The following GRID2 variants were observed in gnomAD, a reference collection of about 807,000 sequenced individuals.
The protein encoded by GRID2 is glutamate ionotropic receptor delta type subunit 2.
A neutral mutation model predicts 114.8 loss-of-function variants in GRID2; 33 were observed. The observed-to-expected ratio is 0.29, with a 90% confidence interval of 0.22 to 0.38. GRID2 has a LOEUF of 0.38. GRID2 is among the 10% of genes least tolerant of loss of function. The pLI is 1.00. For synonymous variants in GRID2, 505 were observed against 449.9 expected, an observed-to-expected ratio of 1.12 and a Z score of -1.55; for missense variants, 1,184 against 1,257.7, an observed-to-expected ratio of 0.94 and a Z score of 0.89.
chr4:92,614,848 G>C (rs1172947709), intron 2 of GRID2, among the ~76,000 whole-genome samples: 1 of 151,138 alleles, frequency 6.6e-6, no homozygotes, highest in African/African-American at 2.4e-5. Flanking sequence ...CTGTCATCTA[G>C]ATTTGCCTCG....
At chr4:92,991,817 A>T (rs1754922884) in intron 2 of GRID2, among the ~76,000 whole-genome samples, 1 of 152,244 alleles carries the variant, frequency 6.6e-6, no homozygotes, top group Admixed American at 6.5e-5. Flanking sequence ...AAAGTTAGGA[A>T]TTAAATCCAA....
intron 1 of GRID2, among the ~76,000 whole-genome samples, chr4:92,341,790 C>T (rs1727503884): frequency 6.6e-6 from 1 of 151,850 alleles, no homozygotes; most frequent in Non-Finnish European, 1.5e-5. Context: ...TGGCGGGCGC[C>T]TGTAGTCCCA....
At chr4:93,684,764 G>A (rs998907650) in intron 14 of GRID2, among the ~76,000 whole-genome samples, 2 of 152,020 alleles carry the variant, frequency 1.3e-5, no homozygotes, top group African/African-American at 4.8e-5. Context: ...TGTATAGGGG[G>A]AGGGTTCTTG....
chr4:93,106,175 C>T (rs1469455793), intron 3 of GRID2, among the ~76,000 whole-genome samples: 3 of 152,114 alleles, frequency 2.0e-5, no homozygotes, highest in African/African-American at 7.2e-5. Context: ...CCTAGTCACA[C>T]CCACTCACCT....
chr4:93,678,675 C>T (rs1725179463), intron 14 of GRID2, among the ~76,000 whole-genome samples: 1 of 151,874 alleles, frequency 6.6e-6, no homozygotes. Context: ...TCCAGCCAAA[C>T]TAAGCTTCAT....
chr4:92,769,317 T>C (rs1209028505), intron 2 of GRID2, among the ~76,000 whole-genome samples: 1 of 152,208 alleles, frequency 6.6e-6, no homozygotes, highest in Non-Finnish European at 1.5e-5. Flanking sequence ...TTTGCCCCTG[T>C]AGCTTTGCAG....
chr4:93,757,341 C>T lies in GRID2; in HGVS notation c.2361-11869C>T, dbSNP rs1378560533. Among the ~76,000 whole-genome samples the T allele has an allele frequency of 5.3e-5, 8 of 152,322 alleles. No individual in the cohort carries two copies. In the East Asian group the frequency reaches 9.7e-4, roughly 18 times the overall value. On this transcript the variant is annotated intron_variant, in intron 14 of 15. Coordinates refer to ENST00000282020, the MANE Select transcript of GRID2 (RefSeq NM_001510.4). ...ATTCATGCTCAGTCTCAGGGAACTC[C>T]GTTCGTCTTTTCAGAATGCCTGTAC... is the stretch of plus-strand genomic sequence containing the variant.
At chr4:92,902,948 G>C (rs1200168680) in intron 2 of GRID2, among the ~76,000 whole-genome samples, 1 of 151,786 alleles carries the variant, frequency 6.6e-6, no homozygotes, top group Non-Finnish European at 1.5e-5. Context: ...TGCTATTTTG[G>C]TTACTATACC....
At chr4:92,595,927 A>G (rs192171723) in intron 2 of GRID2, among the ~76,000 whole-genome samples, 21 of 152,182 alleles carry the variant, frequency 1.4e-4, no homozygotes, top group Non-Finnish European at 2.9e-4. Flanking sequence ...ATTATTTGAC[A>G]CTTCTTTCCA....
chr4:92,972,749 C>T (rs1213366678), intron 2 of GRID2, among the ~76,000 whole-genome samples: 6 of 152,108 alleles, frequency 3.9e-5, no homozygotes, highest in African/African-American at 1.4e-4. Flanking sequence ...TGATCCTCTC[C>T]CTCCTCCCAC....
intron 2 of GRID2, among the ~76,000 whole-genome samples, chr4:93,027,971 C>G (rs1724032664): frequency 6.6e-6 from 1 of 151,898 alleles, no homozygotes; most frequent in African/African-American, 2.4e-5. Context: ...CTCAATTTTT[C>G]ATGTCATATC....
At chr4:93,667,744 A>G (rs1456078904) in intron 14 of GRID2, among the ~76,000 whole-genome samples, 2 of 152,026 alleles carry the variant, frequency 1.3e-5, no homozygotes, top group African/African-American at 4.8e-5. Context: ...CCCCATATAA[A>G]TATTATAGGA....
At chr4:93,417,615 T>C (rs542852958) in intron 9 of GRID2, among the ~76,000 whole-genome samples, 20 of 152,138 alleles carry the variant, frequency 1.3e-4, no homozygotes, top group Non-Finnish European at 2.4e-4. Context: ...TCACTTCCTC[T>C]ATTTTCTTTA....
At chr4:92,780,920 C>T (rs1739043687) in intron 2 of GRID2, among the ~76,000 whole-genome samples, 1 of 152,050 alleles carries the variant, frequency 6.6e-6, no homozygotes, top group South Asian at 2.1e-4. Context: ...AATTACTTGT[C>T]AGGGTTTTTG....
chr4:93,494,640 T>A (rs1486050240), intron 12 of GRID2, among the ~76,000 whole-genome samples: 2 of 151,764 alleles, frequency 1.3e-5, no homozygotes, highest in African/African-American at 4.8e-5. Context: ...ACATCATAAC[T>A]ATGTCCTATG....
At chr4:93,507,433 T>A (rs549818691) in intron 12 of GRID2, among the ~76,000 whole-genome samples, 1 of 152,336 alleles carries the variant, frequency 6.6e-6, no homozygotes, top group African/African-American at 2.4e-5. Flanking sequence ...CTCCTCATTA[T>A]CTAAATATTC....
chr4:93,454,498 T>A (rs1723003577), intron 10 of GRID2, among the ~76,000 whole-genome samples: 1 of 151,024 alleles, frequency 6.6e-6, no homozygotes, highest in Admixed American at 6.6e-5. Flanking sequence ...AAGGACTAAG[T>A]AAAAAAAAAT....
chr4:93,609,017 G>A (rs1017539602), intron 13 of GRID2, among the ~76,000 whole-genome samples: 2 of 106,824 alleles, frequency 1.9e-5, no homozygotes, highest in African/African-American at 7.3e-5. Context: ...ACTGGTGTGA[G>A]ATGATATCTC....
At chr4:93,730,134 G>A (rs997151773) in intron 14 of GRID2, among the ~76,000 whole-genome samples, 21 of 152,304 alleles carry the variant, frequency 1.4e-4, no homozygotes, top group Non-Finnish European at 2.4e-4. Context: ...TTCTGAGTGC[G>A]AAAGAGAGAT....
Sources: allele counts gnomAD v4.1 joint callset (sites outside exome capture counted in the v4.1 genomes callset), GRCh38; gene constraint gnomAD v4.1.1; transcripts MANE v1.5; gene names NCBI Gene and HGNC (gene_info 2026-07-23, HGNC 2026-07-21).